Variants in PAFAH2 observed in about 807,000 individuals in gnomAD.
The protein encoded by PAFAH2 is platelet activating factor acetylhydrolase 2.
PAFAH2 carries 42 observed loss-of-function variants against 49.0 expected under a neutral mutation model. The ratio of observed to expected loss-of-function variants is 0.86; its 90% confidence interval spans 0.67 to 1.11. The LOEUF (loss-of-function observed/expected upper bound fraction) is 1.11, where lower values mean the gene tolerates loss of function less well. Ranked by LOEUF, PAFAH2 falls within the 50% of genes least tolerant of loss-of-function variation. The probability of loss-of-function intolerance (pLI) is 0.00; values close to 1 mark genes in which losing one functional copy is unlikely to be tolerated. For synonymous variants in PAFAH2, 184 were observed against 181.3 expected (o/e 1.01, Z -0.12); for missense variants, 503 against 501.8 (o/e 1.00, Z -0.02).
Position 25,961,896 on chromosome 1 carries a change from G to A in PAFAH2, c.*93C>T, listed in dbSNP as rs1401724587. ...CTTTCAATCTGTGAAAAGGGGTCACGTTGATCACTTCTTGATAGGAGCTCA... is the reference window on the plus strand; with the variant it reads ...CTTTCAATCTGTGAAAAGGGGTCACATTGATCACTTCTTGATAGGAGCTCA... On this transcript the variant is annotated 3_prime_UTR_variant, in exon 11 of 11. Coordinates refer to ENST00000374282, the MANE Select transcript of PAFAH2 (RefSeq NM_000437.4). The A allele has an allele frequency of 1.1e-5, 9 of 814,060 alleles. No homozygotes were observed. Among genetic ancestry groups the A allele is most frequent in the Non-Finnish European group, 1.7e-5 (8 of 484,026 alleles). The allele number at this position is 814,060 out of a possible 1,614,324, so 50.4% of individuals were successfully genotyped here. A position where few individuals can be genotyped will look rare whatever the true frequency, so the allele number is the denominator to read the frequency against.
intron 8 of PAFAH2, among the ~76,000 whole-genome samples, chr1:25,975,919 C>G (rs2049581279): frequency 6.6e-6 from 1 of 152,054 alleles, no homozygotes; most frequent in Non-Finnish European, 1.5e-5. Flanking sequence ...GCCAGATGAC[C>G]CTGTGATCTG....
At position 25,962,002 on chromosome 1, in the gene PAFAH2, A is replaced by G. The variant is rs1397981061; in HGVS notation, c.1166T>C (p.Leu389Pro). 2 of 1,613,660 alleles carry G rather than the reference A, an allele frequency of 1.2e-6. No homozygotes were observed. The highest frequency in any genetic ancestry group is 8.5e-7 in the Non-Finnish European group (1 of 1,179,796). The change falls in exon 11 of 11, where the codon CTG becomes CCG. Residue 389 changes from leucine (L) to proline (P), a missense_variant. Physicochemically the swap from Leu to Pro is moderately conservative, Grantham distance 98 (BLOSUM62 -3). Transcript: ENST00000374282. ...GGCCAGTTGTGCCTACAGGCTGGAC[A>G]GATGGTGGGGGGCCCCTGGGGTGAG... ...PSLTPGAPHH[L>P]SSL
At chr1:25,972,329 C>A (rs1038012865) in intron 10 of PAFAH2, among the ~76,000 whole-genome samples, 2 of 151,930 alleles carry the variant, frequency 1.3e-5, no homozygotes, top group African/African-American at 4.8e-5. Flanking sequence ...AACTCCTGGC[C>A]CCAAGCCATC....
intron 4 of PAFAH2, among the ~76,000 whole-genome samples, chr1:25,985,207 C>T (rs2124356638): frequency 6.6e-6 from 1 of 152,340 alleles, no homozygotes; most frequent in South Asian, 2.1e-4. Context: ...TCACCTTGGG[C>T]AAGTCTGCCT....
intron 9 of PAFAH2, among the ~76,000 whole-genome samples, chr1:25,973,945 A>G (rs985313203): frequency 1.1e-4 from 16 of 152,208 alleles, no homozygotes; most frequent in African/African-American, 3.9e-4. Context: ...CCTGTGAAAA[A>G]TGGCTCCCAA....
At chr1:25,992,381 C>T (rs2049888550) in intron 1 of PAFAH2, among the ~76,000 whole-genome samples, 1 of 152,074 alleles carries the variant, frequency 6.6e-6, no homozygotes, top group African/African-American at 2.4e-5. Flanking sequence ...GGCAGTAGAT[C>T]AAACAGATGC....
At chr1:25,968,851 TCCTAAAATGCTGGG>T (rs1189380697) in intron 10 of PAFAH2, among the ~76,000 whole-genome samples, 16 of 152,224 alleles carry the variant, frequency 1.1e-4, no homozygotes, top group African/African-American at 3.6e-4. Context: ...TGCCTCAGCC[TCCTAAAATGCTGGG>T]ATTATAGACG....
rs1434170567 is a variant in PAFAH2, at chr1:25,974,553, G to A, written c.856C>T (p.Gln286Ter). ...ATCAAATTGACACTCTCCATTGTCT[G>A]GAATTTCTCAGTATTGATAAAGAAC... is the stretch of plus-strand genomic sequence containing the variant. Reference protein sequence around the residue: ...PVFFINTEKFQTMESVNLMKK... With the variant: ...PVFFINTEKF The change falls in exon 9 of 11, where the codon CAG (glutamine) becomes TAG (stop). Residue 286 changes from glutamine (Q) to a stop codon, truncating the protein, a stop_gained. Transcript: ENST00000374282. LOFTEE classifies it high-confidence loss of function. 6.2e-7 allele frequency: 1 copy of A among 1,613,998 alleles called. No homozygotes were observed. Among genetic ancestry groups the A allele is most frequent in the African/African-American group, 1.3e-5 (1 of 75,028 alleles).
At chr1:25,989,150 A>C (rs1285941882) in intron 3 of PAFAH2, among the ~76,000 whole-genome samples, 1 of 152,226 alleles carries the variant, frequency 6.6e-6, no homozygotes, top group African/African-American at 2.4e-5. Flanking sequence ...TAGAGGCTTT[A>C]CGTACATCCC....
At chr1:25,962,552 G>C (rs2049354312) in intron 10 of PAFAH2, among the ~76,000 whole-genome samples, 1 of 152,154 alleles carries the variant, frequency 6.6e-6, no homozygotes, top group Non-Finnish European at 1.5e-5. Flanking sequence ...GCTGGGCATG[G>C]TGGCTTATGC....
chr1:25,975,932 C>T (rs1246645499), intron 8 of PAFAH2, among the ~76,000 whole-genome samples: 1 of 152,096 alleles, frequency 6.6e-6, no homozygotes, highest in East Asian at 1.9e-4. Flanking sequence ...GTGATCTGGC[C>T]CCTGCTTCTC....
At chr1:25,991,013 T>A in intron 1 of PAFAH2, 150 bp from the exon 2 acceptor site, 1 of 537,318 alleles carries the variant, frequency 1.9e-6, no homozygotes, top group Non-Finnish European at 3.3e-6. Context: ...ACTACTTTGC[T>A]ACATTGCCTT....
intron 7 of PAFAH2, among the ~76,000 whole-genome samples, chr1:25,981,795 C>T (rs538584253): frequency 5.9e-5 from 9 of 152,130 alleles, no homozygotes; most frequent in South Asian, 2.1e-4. Flanking sequence ...CCGAGGCGGG[C>T]GGATCACTTG....
chr1:25,981,894 G>A (rs915049531), intron 7 of PAFAH2, among the ~76,000 whole-genome samples: 26 of 151,944 alleles, frequency 1.7e-4, no homozygotes, highest in Non-Finnish European at 2.1e-4. Flanking sequence ...AGTGGCAGGC[G>A]CCTATAATCC....
intron 8 of PAFAH2, 126 bp downstream of exon 8, chr1:25,976,556 C>T: frequency 1.6e-6 from 1 of 645,004 alleles, no homozygotes; most frequent in Non-Finnish European, 2.7e-6. Context: ...ATCTTGTTTT[C>T]TTGTTTAACC....
At chr1:25,971,111 C>T (rs764126638) in intron 10 of PAFAH2, among the ~76,000 whole-genome samples, 16 of 152,050 alleles carry the variant, frequency 1.1e-4, no homozygotes, top group Non-Finnish European at 2.2e-4. Flanking sequence ...AGGGGTTAAC[C>T]TGGGCAAGTA....
At chr1:25,983,890 A>G (rs990936973) in intron 6 of PAFAH2, 56 bp downstream of exon 6, 2 of 1,583,906 alleles carry the variant, frequency 1.3e-6, no homozygotes, top group Non-Finnish European at 1.7e-6. Context: ...GCTATCAAAT[A>G]TAGTAGGGAG....
chr1:25,993,702 C>T (rs1260483257), intron 1 of PAFAH2, among the ~76,000 whole-genome samples: 1 of 152,112 alleles, frequency 6.6e-6, no homozygotes, highest in Non-Finnish European at 1.5e-5. Context: ...GGGATGAGCT[C>T]TGCTTAGCCT....
chr1:25,977,796 G>C (rs6662751), intron 7 of PAFAH2, among the ~76,000 whole-genome samples: 81,684 of 151,598 alleles, frequency 0.54, 24,969 homozygotes, highest in East Asian at 0.7. Flanking sequence ...CTGGTCCGAG[G>C]GTCCATGACA....
Sources: gnomAD v4.1 joint callset for allele counts (sites outside exome capture counted in the v4.1 genomes callset) on GRCh38, gnomAD v4.1.1 for gene constraint, MANE v1.5 for transcripts, NCBI Gene and HGNC (gene_info 2026-07-23, HGNC 2026-07-21) for gene names.